The following ATAD5 variants were observed in gnomAD, a reference collection of about 807,000 sequenced individuals.
ATAD5 encodes ATPase family AAA domain containing 5.
A neutral mutation model predicts 176.9 loss-of-function variants in ATAD5; 58 were observed. The observed-to-expected ratio is 0.33, with a 90% CI of 0.27 to 0.41. ATAD5 has a LOEUF of 0.41. ATAD5 is among the 10% of genes least tolerant of loss of function. The pLI is 1.00. For missense variants in ATAD5, 1,789 were observed against 2,094.1 expected (o/e 0.85, Z 2.84); for synonymous variants, 640 against 712.6 (o/e 0.90, Z 1.62).
intron 4 of ATAD5, among the ~76,000 whole-genome samples, chr17:30,841,090 A>G (rs1906083873): frequency 1.3e-5 from 2 of 151,948 alleles, no homozygotes; most frequent in Admixed American, 1.3e-4. Context: ...GCTCACTGCA[A>G]CTTCTGCCTC....
intron 11 of ATAD5, 41 bp downstream of exon 11, chr17:30,865,841 C>T (rs1907947062): frequency 7.8e-7 from 1 of 1,287,124 alleles, no homozygotes; most frequent in African/African-American, 1.5e-5. Flanking sequence ...AGTTTACAAA[C>T]TTAGTTTTAC....
chr17:30,860,405 A>G (rs1462774851), intron 9 of ATAD5, 28 bp from the exon 10 acceptor site: 8 of 1,574,728 alleles, frequency 5.1e-6, no homozygotes, highest in Non-Finnish European at 6.8e-6. Flanking sequence ...ATTAGTAAGC[A>G]CATGCACTTC....
intron 14 of ATAD5, among the ~76,000 whole-genome samples, chr17:30,872,722 A>T (rs1358747035): frequency 6.6e-6 from 1 of 151,402 alleles, no homozygotes; most frequent in Non-Finnish European, 1.5e-5. Flanking sequence ...CGCACAGCTA[A>T]TTTTTTTGTA....
intron 6 of ATAD5, among the ~76,000 whole-genome samples, chr17:30,847,717 ATTTT>A: frequency 9.8e-6 from 1 of 101,664 alleles, no homozygotes; most frequent in Non-Finnish European, 2.1e-5. Context: ...TGCTATGAAC[ATTTT>A]TTTTTTTTTT....
At chr17:30,843,179 C>A (rs757606566) in intron 4 of ATAD5, among the ~76,000 whole-genome samples, 1 of 151,764 alleles carries the variant, frequency 6.6e-6, no homozygotes. Flanking sequence ...TAGGGAGAAC[C>A]TGGCTCTGCA....
chr17:30,890,539 A>G (rs1267097206), intron 19 of ATAD5, among the ~76,000 whole-genome samples: 1 of 148,366 alleles, frequency 6.7e-6, no homozygotes, highest in Non-Finnish European at 1.5e-5. Context: ...CTCCTGCCTC[A>G]GCCTCCCAAG....
At chr17:30,837,016 A>G (rs1331690011) in intron 2 of ATAD5, among the ~76,000 whole-genome samples, 190 bp from the exon 3 acceptor site, 1 of 152,032 alleles carries the variant, frequency 6.6e-6, no homozygotes, top group African/African-American at 2.4e-5. Flanking sequence ...TCTGGAAACA[A>G]GTTCTCACTG....
chr17:30,885,896 G>A (rs998468515), intron 18 of ATAD5, among the ~76,000 whole-genome samples: 1 of 151,918 alleles, frequency 6.6e-6, no homozygotes, highest in Admixed American at 6.6e-5. Context: ...GATTACATGC[G>A]TGAGCCTTGG....
chr17:30,878,810 C>A (rs1908841214), intron 17 of ATAD5, among the ~76,000 whole-genome samples: 2 of 140,074 alleles, frequency 1.4e-5, no homozygotes, highest in Admixed American at 1.6e-4. Context: ...TGGCTCACTG[C>A]AACCTCTGCC....
At chr17:30,887,495 T>A in intron 19 of ATAD5, 123 bp downstream of exon 19, 3 of 723,734 alleles carry the variant, frequency 4.1e-6, no homozygotes, top group Non-Finnish European at 6.7e-6. Context: ...GGTGGGAGGA[T>A]CTCTTGAGGC....
chr17:30,856,915 T>C lies in ATAD5; in HGVS notation c.2636-40T>C, dbSNP rs141908801. On this transcript the variant is annotated intron_variant, in intron 7 of 22. Transcript: ENST00000321990. ...TGACATTCAGTAAATGGATAGTGTA[T>C]AAATAAGGTTTATTAAGATATTTGT... 7.3e-6 allele frequency: 11 copies of C among 1,503,610 alleles called. No individual in the cohort carries two copies. In the East Asian group the frequency reaches 2.6e-4, roughly 35 times the overall value. 93.1% of individuals were successfully genotyped at this position (1,503,610 alleles called of 1,614,324 possible).
chr17:30,835,503 A>G lies in ATAD5; in HGVS notation c.1422A>G (p.Lys474=), dbSNP rs766187651. ...HTDKGSFLKE[K]NKKLKKKNKK... ...ATAAAGGAAGTTTTCTGAAGGAGAA[A>G]AATAAAAAGCTAAAGAAGAAGAATA... The change falls in exon 2 of 23, where the codon AAA becomes AAG. Residue 474 remains lysine, a synonymous_variant. Transcript: ENST00000321990. The G allele has an allele frequency of 6.2e-7, 1 of 1,606,640 alleles. No homozygotes were observed. Among genetic ancestry groups the G allele is most frequent in the Non-Finnish European group, 8.5e-7 (1 of 1,178,398 alleles).
Position 30,868,382 on chromosome 17 carries a change from CTG to C in ATAD5, c.3284_3285del (p.Leu1095GlnfsTer6). On this transcript the variant is annotated frameshift_variant, in exon 12 of 23. Transcript: ENST00000321990. LOFTEE classifies it high-confidence loss of function. ...AGCTGAATTGGAAGAAAGGCAGAAT[CTG>C]AAGGGAAAAAGAGATGAGAAACATG... The part of the protein sequence containing the change: ...RRAELEERQN[L>X]KGKRDEKHED... 1 of 1,569,308 alleles carries C rather than the reference CTG, an allele frequency of 6.4e-7. No individual in the cohort carries two copies. The highest frequency in any genetic ancestry group is 8.6e-7 in the Non-Finnish European group (1 of 1,163,406).
At chr17:30,869,220 T>A (rs754512422) in intron 12 of ATAD5, 28 bp from the exon 13 acceptor site, 9 of 1,583,910 alleles carry the variant, frequency 5.7e-6, no homozygotes, top group Non-Finnish European at 7.7e-6. Context: ...GCAATTGTCA[T>A]TTTATATGCA....
chr17:30,866,979 G>C (rs990689616), intron 11 of ATAD5, among the ~76,000 whole-genome samples: 3 of 151,792 alleles, frequency 2.0e-5, no homozygotes, highest in Non-Finnish European at 2.9e-5. Context: ...TTCATATAAG[G>C]ATTTACGGAC....
intron 17 of ATAD5, 60 bp downstream of exon 17, chr17:30,878,156 G>C (rs895498854): frequency 2.2e-5 from 24 of 1,105,206 alleles, no homozygotes; most frequent in Non-Finnish European, 3.2e-5. Flanking sequence ...TTCATCTGCA[G>C]ACTGGAGTAA....
intron 21 of ATAD5, 91 bp from the exon 22 acceptor site, chr17:30,894,473 A>G: frequency 3.1e-6 from 4 of 1,285,624 alleles, no homozygotes; most frequent in Non-Finnish European, 3.2e-6. Flanking sequence ...TCTGGTCTAG[A>G]CCAGAGGCAA....
intron 6 of ATAD5, among the ~76,000 whole-genome samples, chr17:30,846,396 G>GTTTTTTTTTTTTTT: frequency 7.0e-6 from 1 of 143,274 alleles, no homozygotes; most frequent in South Asian, 2.2e-4. Context: ...AGAGTTTGAG[G>GTTTTTTTTTTTTTT]TTTTTTTTTT....
intron 19 of ATAD5, among the ~76,000 whole-genome samples, chr17:30,890,981 A>G (rs2142453415): frequency 6.6e-6 from 1 of 152,348 alleles, no homozygotes; most frequent in Middle Eastern, 3.4e-3. Context: ...ATAGAATAGA[A>G]TGGATGTACC....
Sources: gnomAD v4.1 joint callset for allele counts (sites outside exome capture counted in the v4.1 genomes callset) on GRCh38, gnomAD v4.1.1 for gene constraint, MANE v1.5 for transcripts, NCBI Gene and HGNC (gene_info 2026-07-23, HGNC 2026-07-21) for gene names.